The following PSTPIP2 variants were observed in gnomAD, a reference collection of about 807,000 sequenced individuals.
The protein encoded by PSTPIP2 is proline-serine-threonine phosphatase-interacting protein 2.
In PSTPIP2, 33 loss-of-function variants were observed where a neutral mutation model predicts 63.3. That is an observed-to-expected ratio of 0.52 (90% CI 0.40 to 0.70). PSTPIP2 has a LOEUF of 0.70. PSTPIP2 is among the 30% of genes least tolerant of loss of function. The probability of loss-of-function intolerance (pLI) is 0.00; values close to 1 mark genes in which losing one functional copy is unlikely to be tolerated. For synonymous variants in PSTPIP2, 125 were observed against 132.7 expected (o/e 0.94, Z 0.40); for missense variants, 312 against 400.7 (o/e 0.78, Z 1.89).
rs144586643 is a variant in PSTPIP2, at chr18:46,035,226, C to G, written c.134+4721G>C. ...TCACTTGAGACCAAGAGTTCAAGAC[C>G]AGCCTGTGGCCAGGAAAAACCCCAT... On this transcript the variant is annotated intron_variant, in intron 2 of 14. Coordinates refer to ENST00000409746, the MANE Select transcript of PSTPIP2 (RefSeq NM_024430.4). 1.8e-4 allele frequency among the ~76,000 whole-genome samples: 27 copies of G among 152,072 alleles called. No homozygotes were observed. The East Asian group carries it at 5.2e-3, about 29-fold the overall frequency.
At chr18:46,031,127 T>A (rs1907776095) in intron 2 of PSTPIP2, among the ~76,000 whole-genome samples, 1 of 152,228 alleles carries the variant, frequency 6.6e-6, no homozygotes, top group South Asian at 2.1e-4. Context: ...CTTCCACTAT[T>A]CCTTTGGGTA....
Position 45,991,909 on chromosome 18 carries a change from A to G in PSTPIP2, c.913T>C (p.Leu305=), listed in dbSNP as rs770044256. The G allele has an allele frequency of 6.2e-7, 1 of 1,607,794 alleles. No homozygotes were observed. Among genetic ancestry groups the G allele is most frequent in the South Asian group, 1.1e-5 (1 of 90,628 alleles). ...AAGGCAGCTGGTTATTACCTTGCCA[A>G]GTTAGGCCCTGTAGCCTTTCCTGCT... ...VPAGKATGPN[L]ARRGPLPIPK... Residue 305 remains leucine (L), a synonymous_variant, in exon 12 of 15, where the codon TTG becomes CTG. Coordinates refer to ENST00000409746, the MANE Select transcript of PSTPIP2 (RefSeq NM_024430.4).
chr18:46,070,259 C>G (rs369339701), intron 1 of PSTPIP2, among the ~76,000 whole-genome samples: 2 of 152,196 alleles, frequency 1.3e-5, no homozygotes, highest in African/African-American at 4.8e-5. Flanking sequence ...TGTCACCCAC[C>G]AGACATTAGA....
intron 2 of PSTPIP2, among the ~76,000 whole-genome samples, chr18:46,037,834 C>T (rs925683934): frequency 3.9e-5 from 6 of 152,218 alleles, no homozygotes; most frequent in African/African-American, 1.2e-4. Flanking sequence ...AAACACAAGA[C>T]TGACTTCTTT....
intron 2 of PSTPIP2, among the ~76,000 whole-genome samples, chr18:46,028,115 C>A (rs373211747): frequency 7.9e-5 from 12 of 152,170 alleles, no homozygotes; most frequent in East Asian, 3.9e-4. Flanking sequence ...GAGCCAAGAT[C>A]GCGCCATTGC....
chr18:46,008,399 C>G (rs187660072), intron 5 of PSTPIP2, among the ~76,000 whole-genome samples: 3 of 106,212 alleles, frequency 2.8e-5, no homozygotes, highest in African/African-American at 3.7e-5. Context: ...GCCCACCCCC[C>G]ACCCCGGTTT....
At chr18:46,029,997 C>G (rs1477666915) in intron 2 of PSTPIP2, among the ~76,000 whole-genome samples, 1 of 152,068 alleles carries the variant, frequency 6.6e-6, no homozygotes, top group Admixed American at 6.6e-5. Flanking sequence ...GCCTGTAATC[C>G]CAGCTACTTG....
intron 3 of PSTPIP2, among the ~76,000 whole-genome samples, chr18:46,022,229 C>T (rs1907390870): frequency 6.6e-6 from 1 of 151,956 alleles, no homozygotes; most frequent in Non-Finnish European, 1.5e-5. Flanking sequence ...CCAATGTTTT[C>T]CTCCTCAGTA....
chr18:46,065,813 G>T (rs965239066), intron 1 of PSTPIP2, among the ~76,000 whole-genome samples: 10 of 151,822 alleles, frequency 6.6e-5, no homozygotes, highest in African/African-American at 2.4e-4. Context: ...TGTTGGCCAG[G>T]CTGGTCTCAA....
chr18:46,019,463 A>G (rs1489874276), intron 3 of PSTPIP2, among the ~76,000 whole-genome samples: 12 of 152,140 alleles, frequency 7.9e-5, no homozygotes, highest in Admixed American at 5.9e-4. Context: ...CACTTTACCC[A>G]TCTTATGATA....
chr18:46,071,916 C>T (rs956951975), intron 1 of PSTPIP2, among the ~76,000 whole-genome samples: 1 of 152,166 alleles, frequency 6.6e-6, no homozygotes, highest in Non-Finnish European at 1.5e-5. Context: ...CCGGGACTCG[C>T]GGGCACGCGG....
chr18:46,060,127 T>C (rs1908937210), intron 1 of PSTPIP2, among the ~76,000 whole-genome samples: 1 of 152,216 alleles, frequency 6.6e-6, no homozygotes, highest in African/African-American at 2.4e-5. Flanking sequence ...TTCCTGGTGT[T>C]TGTTTTAAAT....
intron 1 of PSTPIP2, among the ~76,000 whole-genome samples, chr18:46,059,418 T>G (rs12962856): frequency 0.019 from 2,911 of 152,126 alleles, 42 homozygotes; most frequent in Non-Finnish European, 0.028. Context: ...CCAGCTAACT[T>G]TTGTATTTTT....
intron 2 of PSTPIP2, among the ~76,000 whole-genome samples, chr18:46,031,729 C>T (rs1226901182): frequency 1.3e-5 from 2 of 152,030 alleles, no homozygotes; most frequent in Non-Finnish European, 2.9e-5. Context: ...TTTCTTTAGA[C>T]TCTTTTGTTG....
intron 5 of PSTPIP2, among the ~76,000 whole-genome samples, chr18:46,007,255 C>T (rs2051738079): frequency 6.6e-6 from 1 of 152,218 alleles, no homozygotes; most frequent in South Asian, 2.1e-4. Context: ...GGTCTCACTT[C>T]AAATATGAGC....
intron 7 of PSTPIP2, 75 bp downstream of exon 7, chr18:45,999,361 A>G: frequency 7.3e-7 from 1 of 1,360,680 alleles, no homozygotes; most frequent in Non-Finnish European, 1.0e-6. Context: ...TTCATTTCTT[A>G]TGAAGATTCA....
rs73438279 is a variant in PSTPIP2 at position 46,048,671 on chromosome 18, A to G, written c.34-8624T>C. ...AATAACTCTCCCATACTCTTCAAAAATGCTAAATTCATAAAGACACAGAGA... is the reference window on the plus strand; with the variant it reads ...AATAACTCTCCCATACTCTTCAAAAGTGCTAAATTCATAAAGACACAGAGA... On this transcript the variant is annotated intron_variant, in intron 1 of 14. Coordinates refer to ENST00000409746, the MANE Select transcript of PSTPIP2 (RefSeq NM_024430.4). Among the ~76,000 whole-genome samples, 1,176 of 152,322 alleles carry G rather than the reference A, an allele frequency of 7.7e-3. 16 individuals are homozygous for G. Among genetic ancestry groups the G allele is most frequent in the African/African-American group, 0.026 (1,090 of 41,560 alleles).
rs377215144 is a variant in PSTPIP2 at position 45,997,879 on chromosome 18, C to G, written c.563-51G>C. The G allele has an allele frequency of 7.3e-4, 1,107 of 1,522,612 alleles. 1 individual carries two copies. The highest frequency in any genetic ancestry group is 9.6e-4 in the Non-Finnish European group (1,063 of 1,104,198). 94.3% of individuals were successfully genotyped at this position (1,522,612 alleles called of 1,614,324 possible). A position where few individuals can be genotyped will look rare whatever the true frequency, so the allele number is the denominator to read the frequency against. On this transcript the variant is annotated intron_variant, in intron 8 of 14. Transcript: ENST00000409746. ...TCAGAAACTAGACAGGAAGGTGGCT[C>G]GCAGATACACCCACAGGCTGGTCTC...
chr18:45,991,695 G>A lies in PSTPIP2; in HGVS notation c.920+207C>T, dbSNP rs2051534714. 4.6e-5 allele frequency among the ~76,000 whole-genome samples: 7 copies of A among 152,166 alleles called. No homozygotes were observed. In the South Asian group the frequency reaches 1.5e-3, roughly 32 times the overall value. ...TTCATCCATGAATAACAATGATCAA[G>A]TTCAAGCATGATATACTCCTCCCTG... On this transcript the variant is annotated intron_variant, in intron 12 of 14. Transcript: ENST00000409746.
Sources: gnomAD v4.1 joint callset for allele counts (sites outside exome capture counted in the v4.1 genomes callset) on GRCh38, gnomAD v4.1.1 for gene constraint, MANE v1.5 for transcripts, NCBI Gene and HGNC (gene_info 2026-07-23, HGNC 2026-07-21) for gene names.